The following SALL1 variants were observed in gnomAD, a reference collection of about 807,000 sequenced individuals.
SALL1 encodes the protein spalt like transcription factor 1.
A neutral mutation model predicts 73.1 loss-of-function variants in SALL1; 10 were observed. That is an observed-to-expected ratio of 0.14 (90% confidence interval 0.08 to 0.23). The LOEUF is 0.23. Among genes scored for constraint, SALL1 ranks in the 10% least tolerant of loss-of-function variants. The pLI, the probability that SALL1 is intolerant of heterozygous loss-of-function variation, is 1.00. For synonymous variants in SALL1, 688 were observed against 689.8 expected, an observed-to-expected ratio of 1.00 and a Z score of 0.04; for missense variants, 1,520 against 1,697.3, an observed-to-expected ratio of 0.90 and a Z score of 1.84.
rs1962450502 is a variant in SALL1 at position 51,142,095 on chromosome 16, G to A, written c.127C>T (p.His43Tyr). Residue 43 changes from histidine (H) to tyrosine (Y), a missense_variant, in exon 2 of 3, where the codon CAC becomes TAC. Around this residue, in one of 7 missense-constraint regions of SALL1, gnomAD observed 540 missense variants for 567.5 expected, o/e 0.95. Transcript: ENST00000251020. ...TCGGCACAGCACCGGCCACAGACGT[G>A]GGCATCCTTGCTCTTAGTAGGGCGA... ...PSRPTKSKDA[H>Y]VCGRCCAEFF... The A allele has an allele frequency of 6.2e-7, 1 of 1,613,718 alleles. No homozygotes were observed. The highest frequency in any genetic ancestry group is 8.5e-7 in the Non-Finnish European group (1 of 1,179,988).
chr16:51,143,056 G>T (rs1345342928), intron 1 of SALL1: 3 of 155,724 alleles, frequency 1.9e-5, no homozygotes, highest in Non-Finnish European at 4.3e-5. Context: ...CTTCAAGAAG[G>T]ATGTGCAGTT....
rs1159618257 is a variant in SALL1 at position 51,136,921 on chromosome 16, T to A, written c.*191A>T. The A allele has an allele frequency of 1.6e-6, 1 of 611,734 alleles. No individual in the cohort carries two copies. Among genetic ancestry groups the A allele is most frequent in the Non-Finnish European group, 2.9e-6 (1 of 345,840 alleles). 37.9% of individuals were successfully genotyped at this position (611,734 alleles called of 1,614,324 possible). A position where few individuals can be genotyped will look rare whatever the true frequency, so the allele number is the denominator to read the frequency against. On this transcript the variant is annotated 3_prime_UTR_variant, in exon 3 of 3. Coordinates refer to ENST00000251020, the MANE Select transcript of SALL1 (RefSeq NM_002968.3). ...ATTCTGTTTGCAAAGCAAGGTTATA[T>A]CGCTAATAAATAAGCTTTCTTAGAA...
rs1399094688 is a variant in SALL1 at position 51,140,366 on chromosome 16, G to A, written c.1856C>T (p.Pro619Leu). ...ACTCTCTTCGCTTTTGCCACCAGAG[G>A]GTGGCAGAGTGGACCCTTCGGCTTC... ...PEEAEGSTLP[P>L]SGGKSEESGM... Residue 619 changes from proline (P) to leucine (L), a missense_variant, in exon 2 of 3, where the codon CCC becomes CTC. By Grantham distance (98) the Pro-to-Leu change is moderately conservative. Around this residue, in one of 7 missense-constraint regions of SALL1, gnomAD observed 276 missense variants for 259.1 expected, o/e 1.07. Transcript: ENST00000251020. This position sits in a 1 kb window ranked among gnomAD's most constrained non-coding sequence, Gnocchi z 5.7. 1 of 1,614,142 alleles carries A rather than the reference G, an allele frequency of 6.2e-7. No homozygotes were observed.
intron 1 of SALL1, 177 bp downstream of exon 1, chr16:51,150,989 G>T: frequency 2.3e-6 from 1 of 436,200 alleles, no homozygotes; most frequent in South Asian, 6.1e-5. Context: ...GGAAAGCCCA[G>T]CAAAGGCACA....
chr16:51,148,997 G>GA (rs929234814), intron 1 of SALL1, among the ~76,000 whole-genome samples: 4 of 151,040 alleles, frequency 2.6e-5, no homozygotes, highest in African/African-American at 9.7e-5. Flanking sequence ...CTTTTGCGAA[G>GA]AAAAAAGAAA....
chr16:51,147,384 G>A (rs948528358), intron 1 of SALL1, among the ~76,000 whole-genome samples: 1 of 152,006 alleles, frequency 6.6e-6, no homozygotes, highest in Admixed American at 6.6e-5. Flanking sequence ...CTTCCATTAT[G>A]ACAAACTTAA....
intron 1 of SALL1, 44 bp downstream of exon 1, chr16:51,151,122 T>C: frequency 6.7e-7 from 1 of 1,484,006 alleles, no homozygotes; most frequent in Non-Finnish European, 9.1e-7. Context: ...TGCGTGAGTG[T>C]GAGTGCGTGT....
rs1346884340 is a variant in SALL1 at position 51,140,999 on chromosome 16, T to C, written c.1223A>G (p.Asn408Ser). 3 of 1,614,242 alleles carry C rather than the reference T, an allele frequency of 1.9e-6. No individual in the cohort carries two copies. The East Asian group carries it at 6.7e-5, about 36-fold the overall frequency. ...TAAATCCTCTGCAGTTGTTCCGATG[T>C]TGGGCAAAGGGCTGGGGAAAACCGA... is the stretch of plus-strand genomic sequence containing the variant. ...ANSVFPSPLP[N>S]IGTTAEDLNS... The change falls in exon 2 of 3, where the codon AAC becomes AGC. Residue 408 changes from asparagine to serine, a missense_variant. By Grantham distance (46) the Asn-to-Ser change is conservative. Around this residue, in one of 7 missense-constraint regions of SALL1, gnomAD observed 540 missense variants for 567.5 expected, o/e 0.95. Coordinates refer to ENST00000251020, the MANE Select transcript of SALL1 (RefSeq NM_002968.3). The surrounding 1 kb of genome is among the most constrained non-coding windows in gnomAD (Gnocchi z 5.7).
In SALL1 at chr16:51,140,932, T is replaced by C. The variant is rs1412509834; in HGVS notation, c.1290A>G (p.Pro430=). ...SALAQQRKSK[P]PNVTAFEAKS... Reference sequence around the variant, plus strand: ...TCGCTTCAAAGGCAGTGACATTTGGTGGCTTGCTTTTTCTTTGCTGGGCCA... The same window carrying C: ...TCGCTTCAAAGGCAGTGACATTTGGCGGCTTGCTTTTTCTTTGCTGGGCCA... Residue 430 remains proline, a synonymous_variant, in exon 2 of 3, where the codon CCA becomes CCG. Coordinates refer to ENST00000251020, the MANE Select transcript of SALL1 (RefSeq NM_002968.3). This position sits in a 1 kb window ranked among gnomAD's most constrained non-coding sequence, Gnocchi z 5.7. 6.2e-7 allele frequency: 1 copy of C among 1,614,120 alleles called. No individual in the cohort carries two copies. Among genetic ancestry groups the C allele is most frequent in the African/African-American group, 1.3e-5 (1 of 74,924 alleles).
chr16:51,144,782 T>C (rs912895286), intron 1 of SALL1, among the ~76,000 whole-genome samples: 14 of 152,280 alleles, frequency 9.2e-5, no homozygotes, highest in South Asian at 8.3e-4. Flanking sequence ...TTTTTATATT[T>C]AGGATTGTGC....
chr16:51,147,525 C>G (rs544448823), intron 1 of SALL1, among the ~76,000 whole-genome samples: 1 of 152,164 alleles, frequency 6.6e-6, no homozygotes, highest in African/African-American at 2.4e-5. Flanking sequence ...TGCTATGAAG[C>G]TGCTCAAAAT....
chr16:51,142,796 G>T (rs760348861), intron 1 of SALL1, among the ~76,000 whole-genome samples: 5 of 152,128 alleles, frequency 3.3e-5, no homozygotes, highest in Non-Finnish European at 7.3e-5. Flanking sequence ...ACAAAGGGAT[G>T]GCAACACACA....
chr16:51,147,915 T>C (rs1962543443), intron 1 of SALL1, among the ~76,000 whole-genome samples: 1 of 152,182 alleles, frequency 6.6e-6, no homozygotes, highest in Non-Finnish European at 1.5e-5. Context: ...TTCCTCAGAA[T>C]TATTTAACTT....
chr16:51,151,012 A>C (rs1481375856), intron 1 of SALL1, 154 bp downstream of exon 1: 1 of 460,116 alleles, frequency 2.2e-6, no homozygotes, highest in Non-Finnish European at 3.8e-6. Context: ...GAAAATTAAA[A>C]AGAAAAAAAA....
At position 51,141,736 on chromosome 16, in the gene SALL1, G is replaced by A. The variant is rs753810961; in HGVS notation, c.486C>T (p.Gly162=). ...SSSSSSSSGG[G]GSSSTGTSAI... ...CTGAGGTACCTGTGGAGGAGCTGCC[G>A]CCGCCGCCGCTGCTGCTGCTGCTGC... Residue 162 remains glycine, a synonymous_variant, in exon 2 of 3, where the codon GGC becomes GGT. Transcript: ENST00000251020. This position sits in a 1 kb window ranked among gnomAD's most constrained non-coding sequence, Gnocchi z 5.4. 3.1e-6 allele frequency: 5 copies of A among 1,612,410 alleles called. No individual in the cohort carries two copies. Among genetic ancestry groups the A allele is most frequent in the East Asian group, 2.2e-5 (1 of 44,856 alleles).
At position 51,137,090 on chromosome 16, in the gene SALL1, T is replaced by C; in HGVS notation, c.*22A>G. On this transcript the variant is annotated 3_prime_UTR_variant, in exon 3 of 3. Coordinates refer to ENST00000251020, the MANE Select transcript of SALL1 (RefSeq NM_002968.3). ...TCGCATTCTGAACAGGAATGAATGC[T>C]ATGTCTCCAGCCCGAGCTGCTTTAA... 6.2e-7 allele frequency: 1 copy of C among 1,613,506 alleles called. No individual in the cohort carries two copies. Among genetic ancestry groups the C allele is most frequent in the Non-Finnish European group, 8.5e-7 (1 of 1,179,582 alleles).
chr16:51,150,683 C>T (rs1196492336), intron 1 of SALL1: 4 of 662,238 alleles, frequency 6.0e-6, no homozygotes, highest in Non-Finnish European at 7.5e-6. Flanking sequence ...GGAGTTCAGC[C>T]CAGCGCCCGA....
chr16:51,143,955 T>G (rs1193882909), intron 1 of SALL1, among the ~76,000 whole-genome samples: 1 of 152,194 alleles, frequency 6.6e-6, no homozygotes, highest in Non-Finnish European at 1.5e-5. Context: ...TGGTTTTAAT[T>G]TAATGTTTAA....
At chr16:51,144,227 G>A (rs1962484841) in intron 1 of SALL1, among the ~76,000 whole-genome samples, 4 of 152,120 alleles carry the variant, frequency 2.6e-5, no homozygotes, top group Admixed American at 2.6e-4. Context: ...CAACAGAAAT[G>A]TTATTTCTTT....
Sources: gnomAD v4.1 joint callset for allele counts (sites outside exome capture counted in the v4.1 genomes callset) on GRCh38, gnomAD v4.1.1 for gene constraint, gnomAD v4.1.1 regional missense constraint, Gnocchi (gnomAD v3.1) non-coding constraint, MANE v1.5 for transcripts, NCBI Gene and HGNC (gene_info 2026-07-23, HGNC 2026-07-21) for gene names.